Variants in POFUT3 observed in about 807,000 individuals in gnomAD.
The protein encoded by POFUT3 is protein O-fucosyltransferase 3.
the POFUT3 span, among the ~76,000 whole-genome samples, chr8:33,471,834 A>G: frequency 3.3e-5 from 5 of 152,178 alleles, no homozygotes; most frequent in African/African-American, 9.7e-5. Flanking sequence ...GAAGCGAGCA[A>G]GAGTTATTAC....
At chr8:33,416,830 CAAAAAAAA>C in the POFUT3 span, among the ~76,000 whole-genome samples, 1 of 44,556 alleles carries the variant, frequency 2.2e-5, no homozygotes, top group African/African-American at 6.0e-5. Flanking sequence ...TGGGCGACGA[CAAAAAAAA>C]AAAAAAAAAA....
At chr8:33,428,257 GCT>G in the POFUT3 span, among the ~76,000 whole-genome samples, 1 of 152,180 alleles carries the variant, frequency 6.6e-6, no homozygotes, top group South Asian at 2.1e-4. Context: ...TCCTGACCAA[GCT>G]GTCACCACTG....
At chr8:33,326,431 T>C in the POFUT3 span, among the ~76,000 whole-genome samples, 2 of 152,238 alleles carry the variant, frequency 1.3e-5, no homozygotes, top group African/African-American at 4.8e-5. Context: ...AAAGTGGTTT[T>C]AGTCATATAT....
chr8:33,425,934 C>T, the POFUT3 span, among the ~76,000 whole-genome samples: 8 of 151,302 alleles, frequency 5.3e-5, no homozygotes, highest in African/African-American at 7.3e-5. Flanking sequence ...AGTGAATTCA[C>T]TCTTGTTGCT....
chr8:33,467,022 C>T, the POFUT3 span, among the ~76,000 whole-genome samples: 20 of 151,902 alleles, frequency 1.3e-4, no homozygotes, highest in Admixed American at 2.6e-4. Flanking sequence ...GGAAGGATTG[C>T]TTGAACCCAG....
the POFUT3 span, among the ~76,000 whole-genome samples, chr8:33,355,020 C>T: frequency 6.6e-6 from 1 of 152,120 alleles, no homozygotes; most frequent in African/African-American, 2.4e-5. Context: ...CCTTTGTGAG[C>T]CTTATTCTGC....
chr8:33,397,104 T>C, the POFUT3 span, among the ~76,000 whole-genome samples: 24 of 152,168 alleles, frequency 1.6e-4, no homozygotes, highest in Non-Finnish European at 2.6e-4. Flanking sequence ...CTGCTTTGGA[T>C]TAAATCGTTT....
At chr8:33,344,548 A>G in the POFUT3 span, among the ~76,000 whole-genome samples, 2 of 152,250 alleles carry the variant, frequency 1.3e-5, no homozygotes, top group Non-Finnish European at 2.9e-5. Flanking sequence ...CTGCCTTATC[A>G]GCAGGCACCA....
At chr8:33,355,079 A>G in the POFUT3 span, among the ~76,000 whole-genome samples, 17 of 152,312 alleles carry the variant, frequency 1.1e-4, no homozygotes, top group East Asian at 3.9e-4. Context: ...CAGAATTACA[A>G]TGGCACCCTG....
chr8:33,375,241 C>T, the POFUT3 span, among the ~76,000 whole-genome samples: 3 of 151,706 alleles, frequency 2.0e-5, no homozygotes, highest in East Asian at 1.9e-4. Context: ...TCTCAGGAAG[C>T]GACTGGAGAG....
At chr8:33,398,658 C>A in the POFUT3 span, among the ~76,000 whole-genome samples, 1 of 152,088 alleles carries the variant, frequency 6.6e-6, no homozygotes, top group Non-Finnish European at 1.5e-5. Flanking sequence ...GTACAACAAC[C>A]CCCTGTGACA....
At chr8:33,374,691 C>T in the POFUT3 span, among the ~76,000 whole-genome samples, 76 of 152,126 alleles carry the variant, frequency 5.0e-4, 1 homozygote, top group African/African-American at 1.8e-3. Flanking sequence ...AAAAGGCATA[C>T]AGAACTCTGA....
the POFUT3 span, among the ~76,000 whole-genome samples, chr8:33,309,201 C>CACACACAT: frequency 3.7e-5 from 3 of 81,050 alleles, no homozygotes; most frequent in African/African-American, 1.7e-4. Context: ...TATATATATA[C>CACACACAT]ACACACATAT....
At chr8:33,458,222 G>A in the POFUT3 span, among the ~76,000 whole-genome samples, 1 of 151,820 alleles carries the variant, frequency 6.6e-6, no homozygotes, top group Non-Finnish European at 1.5e-5. Context: ...AAAGAACCCT[G>A]CTGACACCTT....
the POFUT3 span, chr8:33,389,886 G>A: frequency 5.6e-6 from 5 of 894,280 alleles, no homozygotes; most frequent in South Asian, 1.6e-5. Flanking sequence ...ATACAGAGGA[G>A]TCTGAGGCTA....
At chr8:33,397,185 C>A in the POFUT3 span, among the ~76,000 whole-genome samples, 1 of 152,162 alleles carries the variant, frequency 6.6e-6, no homozygotes, top group Non-Finnish European at 1.5e-5. Flanking sequence ...TATTAGAACT[C>A]CCCAGAATAA....
At chr8:33,320,816 A>T in the POFUT3 span, among the ~76,000 whole-genome samples, 2 of 152,104 alleles carry the variant, frequency 1.3e-5, no homozygotes, top group Non-Finnish European at 2.9e-5. Context: ...AAAACCAAGC[A>T]TTCCAGGAGG....
chr8:33,459,782 G>A, the POFUT3 span, among the ~76,000 whole-genome samples: 1 of 152,072 alleles, frequency 6.6e-6, no homozygotes, highest in Non-Finnish European at 1.5e-5. Flanking sequence ...GAAGGGGCTG[G>A]GAACGGTGGC....
At chr8:33,390,842 A>G in the POFUT3 span, among the ~76,000 whole-genome samples, 1 of 152,348 alleles carries the variant, frequency 6.6e-6, no homozygotes, top group East Asian at 1.9e-4. Flanking sequence ...CCTCTGAAAC[A>G]TGATGATGTG....
Sources: gnomAD v4.1 joint callset for allele counts (sites outside exome capture counted in the v4.1 genomes callset) on GRCh38, gnomAD v4.1.1 for gene constraint, MANE v1.5 for transcripts, NCBI Gene and HGNC (gene_info 2026-07-23, HGNC 2026-07-21) for gene names.